Variants in TGFB2 observed in about 807,000 individuals in gnomAD.
TGFB2 encodes the protein transforming growth factor beta-2 proprotein.
TGFB2 carries 13 observed loss-of-function variants against 42.7 expected under a neutral mutation model. The observed-to-expected ratio is 0.30, with a 90% CI of 0.20 to 0.48. TGFB2 has a LOEUF of 0.48. TGFB2 is among the 20% of genes least tolerant of loss of function. The pLI, the probability that TGFB2 is intolerant of heterozygous loss-of-function variation, is 0.99. For synonymous variants in TGFB2, 193 were observed against 193.6 expected (o/e 1.00, Z 0.03); for missense variants, 390 against 517.5 (o/e 0.75, Z 2.39).
chr1:218,421,107 TAGAC>T (rs746885079), intron 2 of TGFB2, among the ~76,000 whole-genome samples: 12 of 152,136 alleles, frequency 7.9e-5, no homozygotes, highest in Non-Finnish European at 1.5e-4. Flanking sequence ...AGGCTACAGT[TAGAC>T]AGGAAGAGAG....
At chr1:218,407,772 C>A (rs1418764337) in intron 2 of TGFB2, among the ~76,000 whole-genome samples, 1 of 152,258 alleles carries the variant, frequency 6.6e-6, no homozygotes, top group East Asian at 1.9e-4. Flanking sequence ...ACTCCCAAGT[C>A]CCTCCTGCCC....
intron 1 of TGFB2, among the ~76,000 whole-genome samples, chr1:218,371,406 A>G (rs1328570427): frequency 6.6e-6 from 1 of 152,246 alleles, no homozygotes; most frequent in Non-Finnish European, 1.5e-5. Context: ...CTGTGGGAAT[A>G]TGGGGCACTT....
chr1:218,439,328 T>G (rs770508346), intron 6 of TGFB2, among the ~76,000 whole-genome samples: 4 of 152,076 alleles, frequency 2.6e-5, no homozygotes, highest in Non-Finnish European at 5.9e-5. Context: ...AATCTCCCTA[T>G]TAAAGAAGCA....
intron 2 of TGFB2, among the ~76,000 whole-genome samples, chr1:218,421,079 G>A (rs1659439721): frequency 6.6e-6 from 1 of 152,124 alleles, no homozygotes; most frequent in African/African-American, 2.4e-5. Context: ...CCCCCAAAGT[G>A]ACCCAGCATA....
intron 1 of TGFB2, among the ~76,000 whole-genome samples, chr1:218,382,623 A>G (rs925313371): frequency 1.3e-5 from 2 of 152,100 alleles, no homozygotes. Flanking sequence ...TTTTTTCTCT[A>G]CTTACTTCAC....
At chr1:218,414,227 GCACA>G (rs5781033) in intron 2 of TGFB2, among the ~76,000 whole-genome samples, 65 of 145,780 alleles carry the variant, frequency 4.5e-4, no homozygotes, top group East Asian at 1.8e-3. Flanking sequence ...AAACACATGT[GCACA>G]CACACACACA....
At chr1:218,381,550 G>A (rs1056829728) in intron 1 of TGFB2, among the ~76,000 whole-genome samples, 6 of 152,146 alleles carry the variant, frequency 3.9e-5, no homozygotes, top group East Asian at 1.9e-4. Context: ...CACAGCGCCC[G>A]ACTGAAAGGC....
chr1:218,420,238 C>A (rs1050664758), intron 2 of TGFB2, among the ~76,000 whole-genome samples: 4 of 152,320 alleles, frequency 2.6e-5, no homozygotes, highest in East Asian at 3.9e-4. Context: ...GGTACAGCCT[C>A]AAAGACTGTA....
intron 1 of TGFB2, among the ~76,000 whole-genome samples, chr1:218,381,811 G>A (rs1657970693): frequency 6.6e-6 from 1 of 152,092 alleles, no homozygotes; most frequent in African/African-American, 2.4e-5. Context: ...ATGAGATAGT[G>A]CTACTAGGTG....
At chr1:218,376,601 C>T (rs1657749310) in intron 1 of TGFB2, among the ~76,000 whole-genome samples, 1 of 152,178 alleles carries the variant, frequency 6.6e-6, no homozygotes, top group Non-Finnish European at 1.5e-5. Flanking sequence ...TAGCACCGGG[C>T]AAGTTCCCTC....
intron 2 of TGFB2, among the ~76,000 whole-genome samples, chr1:218,431,702 A>G (rs1659811527): frequency 6.6e-6 from 1 of 152,254 alleles, no homozygotes. Flanking sequence ...AGCTAGGGGA[A>G]GAATTTAGAG....
At chr1:218,405,536 T>G (rs1406337426) in intron 2 of TGFB2, 2 of 878,698 alleles carry the variant, frequency 2.3e-6, no homozygotes, top group South Asian at 3.0e-5. Flanking sequence ...GATTATCTTT[T>G]TAAAAAACTT....
intron 1 of TGFB2, among the ~76,000 whole-genome samples, chr1:218,403,979 A>G (rs1658818662): frequency 6.7e-6 from 1 of 150,084 alleles, no homozygotes; most frequent in South Asian, 2.2e-4. Context: ...ATTTGAAAGC[A>G]TGGAGTTAGA....
At chr1:218,435,691 A>G (rs921867343) in intron 4 of TGFB2, among the ~76,000 whole-genome samples, 4 of 152,242 alleles carry the variant, frequency 2.6e-5, no homozygotes, top group African/African-American at 7.2e-5. Flanking sequence ...ACTATAGGTC[A>G]AAGACTGCTT....
intron 2 of TGFB2, among the ~76,000 whole-genome samples, chr1:218,429,889 A>T (rs1019663813): frequency 1.2e-4 from 18 of 152,344 alleles, no homozygotes; most frequent in African/African-American, 3.8e-4. Context: ...TTCTAGGGAA[A>T]AAAAGAAATG....
At chr1:218,382,864 T>C (rs936646471) in intron 1 of TGFB2, among the ~76,000 whole-genome samples, 1 of 152,218 alleles carries the variant, frequency 6.6e-6, no homozygotes, top group African/African-American at 2.4e-5. Context: ...CTACTTCCCG[T>C]AGGAGTTCTA....
intron 1 of TGFB2, among the ~76,000 whole-genome samples, chr1:218,383,451 T>A (rs953264019): frequency 2.0e-5 from 3 of 152,212 alleles, no homozygotes; most frequent in African/African-American, 7.2e-5. Context: ...AATGCAATAA[T>A]AGGGCTGCTA....
chr1:218,382,489 C>T (rs549649768), intron 1 of TGFB2, among the ~76,000 whole-genome samples: 5 of 152,308 alleles, frequency 3.3e-5, no homozygotes, highest in African/African-American at 4.8e-5. Context: ...ACTGATTCAT[C>T]CAGGCGCTCG....
chr1:218,358,790 C>T lies in TGFB2; in HGVS notation c.346+11743C>T, dbSNP rs6696495. Among the ~76,000 whole-genome samples, 1,269 of 152,186 alleles carry T rather than the reference C, an allele frequency of 8.3e-3. 20 individuals carry two copies. The highest frequency in any genetic ancestry group is 0.028 in the African/African-American group (1,170 of 41,494). ...GTCTCCTGACCTCATGATCTGCCTG[C>T]CTTGGCCTCCCAAAGTGCTGGGATT... On this transcript the variant is annotated intron_variant, in intron 1 of 6. Transcript: ENST00000366930.
Sources: gnomAD v4.1 joint callset for allele counts (sites outside exome capture counted in the v4.1 genomes callset) on GRCh38, gnomAD v4.1.1 for gene constraint, MANE v1.5 for transcripts, NCBI Gene and HGNC (gene_info 2026-07-23, HGNC 2026-07-21) for gene names.